The following RTF1 variants were observed in gnomAD, a reference collection of about 807,000 sequenced individuals.
The protein encoded by RTF1 is RTF1 homolog, Paf1/RNA polymerase II complex component.
RTF1 carries 10 observed loss-of-function variants against 95.7 expected under a neutral mutation model. The observed-to-expected ratio is 0.10, with a 90% confidence interval of 0.06 to 0.18. The LOEUF is 0.18. Among genes scored for constraint, RTF1 ranks in the 10% least tolerant of loss-of-function variants. RTF1 has a pLI of 1.00. For missense variants in RTF1, 458 were observed against 875.6 expected (o/e 0.52, Z 6.02); for synonymous variants, 305 against 311.8 (o/e 0.98, Z 0.23).
At chr15:41,424,932 C>T (rs1284067288) in intron 1 of RTF1, among the ~76,000 whole-genome samples, 5 of 151,826 alleles carry the variant, frequency 3.3e-5, no homozygotes, top group African/African-American at 9.7e-5. Flanking sequence ...TCCCTTGAAC[C>T]TAGGAGGCGG....
chr15:41,464,997 G>A (rs1314395539), intron 5 of RTF1, 112 bp downstream of exon 5: 5 of 1,368,100 alleles, frequency 3.7e-6, no homozygotes, highest in Non-Finnish European at 4.7e-6. Flanking sequence ...ATCAGCCTAA[G>A]TTTATAAGAC....
In RTF1 at chr15:41,474,477, T is replaced by G. The variant is rs1445664398; in HGVS notation, c.1204-143T>G. On this transcript the variant is annotated intron_variant, in intron 8 of 17. Coordinates refer to ENST00000389629, the MANE Select transcript of RTF1 (RefSeq NM_015138.5). The stretch of plus-strand genomic sequence containing the variant: ...ATCTGGATTCTAAACCTGAGAAACC[T>G]TTCTCAGAACCCCTGGCAGCTGTGG... 1.2e-5 allele frequency: 8 copies of G among 672,286 alleles called. No individual in the cohort carries two copies. The Admixed American group carries it at 1.8e-4, about 15-fold the overall frequency. The allele number at this position is 672,286 out of a possible 1,614,324, so 41.6% of individuals were successfully genotyped here. A position where few individuals can be genotyped will look rare whatever the true frequency, so the allele number is the denominator to read the frequency against.
At chr15:41,443,100 T>TA (rs1566840558) in intron 2 of RTF1, among the ~76,000 whole-genome samples, 1 of 152,138 alleles carries the variant, frequency 6.6e-6, no homozygotes, top group Non-Finnish European at 1.5e-5. Context: ...GCTAAAAAGT[T>TA]AATCGGTAAT....
rs2050973381 is a variant in RTF1 at position 41,481,315 on chromosome 15, C to G, written c.*628C>G. On this transcript the variant is annotated 3_prime_UTR_variant, in exon 18 of 18. Coordinates refer to ENST00000389629, the MANE Select transcript of RTF1 (RefSeq NM_015138.5). ...TGTGTAAGTGTGTGGATTTTTTTAT[C>G]ATTTTTTTAAAATGCAGTACTCTTT... The G allele has an allele frequency of 6.6e-6, 1 of 150,916 alleles. No homozygotes were observed. The highest frequency in any genetic ancestry group is 1.5e-5 in the Non-Finnish European group (1 of 67,920). 9.3% of individuals were successfully genotyped at this position (150,916 alleles called of 1,614,324 possible).
chr15:41,421,471 A>G (rs529724807), intron 1 of RTF1, among the ~76,000 whole-genome samples: 1 of 151,716 alleles, frequency 6.6e-6, no homozygotes, highest in Admixed American at 6.6e-5. Flanking sequence ...AAAAAAAAAA[A>G]AGAATTTAAA....
intron 1 of RTF1, among the ~76,000 whole-genome samples, chr15:41,435,594 G>A (rs1451534176): frequency 6.6e-6 from 1 of 152,118 alleles, no homozygotes; most frequent in Non-Finnish European, 1.5e-5. Flanking sequence ...CAGGAAGTTG[G>A]TATGTTAACT....
rs200559534 is a variant in RTF1, at chr15:41,475,582, C to T, written c.1344C>T (p.Thr448=). ...AGTTTGTCTCAAACCAAGAATTCAC[C>T]GAAAGTGAGTTTATGAAGTGGAAAG... The part of the protein sequence containing the change: ...RLEFVSNQEF[T]ESEFMKWKEA... The change falls in exon 10 of 18, where the codon ACC becomes ACT. Residue 448 remains threonine, a synonymous_variant. Coordinates refer to ENST00000389629, the MANE Select transcript of RTF1 (RefSeq NM_015138.5). 4 of 1,614,046 alleles carry T rather than the reference C, an allele frequency of 2.5e-6. No homozygotes were observed. Among genetic ancestry groups the T allele is most frequent in the East Asian group, 2.2e-5 (1 of 44,882 alleles).
At chr15:41,429,930 C>T (rs2050660063) in intron 1 of RTF1, among the ~76,000 whole-genome samples, 1 of 151,362 alleles carries the variant, frequency 6.6e-6, no homozygotes, top group Non-Finnish European at 1.5e-5. Flanking sequence ...ATTTTAAATT[C>T]CATGAGGTCA....
At chr15:41,450,584 C>CAA (rs35822176) in intron 2 of RTF1, among the ~76,000 whole-genome samples, 42 of 72,406 alleles carry the variant, frequency 5.8e-4, no homozygotes, top group African/African-American at 1.8e-3. Flanking sequence ...GACTCCGTCT[C>CAA]AAAAAAAAAA....
chr15:41,422,672 T>A (rs1272013847), intron 1 of RTF1, among the ~76,000 whole-genome samples: 1 of 152,248 alleles, frequency 6.6e-6, no homozygotes, highest in African/African-American at 2.4e-5. Flanking sequence ...GGTTTCTTAT[T>A]TAAAATGGAG....
At chr15:41,419,498 A>C (rs186197789) in intron 1 of RTF1, among the ~76,000 whole-genome samples, 4 of 152,324 alleles carry the variant, frequency 2.6e-5, no homozygotes, top group African/African-American at 9.6e-5. Context: ...GTTAGTTTTA[A>C]ATTTTTTTCA....
chr15:41,446,480 C>T (rs995705891), intron 2 of RTF1, among the ~76,000 whole-genome samples: 4 of 151,976 alleles, frequency 2.6e-5, no homozygotes, highest in Non-Finnish European at 5.9e-5. Context: ...GCAGGAGAAT[C>T]GCTTGAACCC....
chr15:41,480,866 C>T lies in RTF1; in HGVS notation c.*179C>T. On this transcript the variant is annotated 3_prime_UTR_variant, in exon 18 of 18. Coordinates refer to ENST00000389629, the MANE Select transcript of RTF1 (RefSeq NM_015138.5). ...GTATAGACCTCCTTTGTCTGCACAC[C>T]ATCTCCCACCAGCCTCCCCTCCCCC... 2 of 594,770 alleles carry T rather than the reference C, an allele frequency of 3.4e-6. No individual in the cohort carries two copies. Among genetic ancestry groups the T allele is most frequent in the Admixed American group, 2.9e-5 (1 of 34,746 alleles). The allele number at this position is 594,770 out of a possible 1,614,324, so 36.8% of individuals were successfully genotyped here.
At chr15:41,455,941 G>A (rs1367375974) in intron 3 of RTF1, among the ~76,000 whole-genome samples, 1 of 150,352 alleles carries the variant, frequency 6.7e-6, no homozygotes, top group Non-Finnish European at 1.5e-5. Flanking sequence ...GGCCAGGTGC[G>A]GCGGCTCACA....
chr15:41,464,261 T>C (rs2050868860), intron 4 of RTF1, among the ~76,000 whole-genome samples: 2 of 151,636 alleles, frequency 1.3e-5, no homozygotes, highest in Admixed American at 1.3e-4. Context: ...TCTCTCTTTT[T>C]TTTTTTTTGA....
At chr15:41,478,429 A>G in intron 14 of RTF1, 119 bp from the exon 15 acceptor site, 1 of 772,672 alleles carries the variant, frequency 1.3e-6, no homozygotes, top group Non-Finnish European at 2.1e-6. Context: ...AAAAAAAGGA[A>G]AAGGATAATA....
intron 3 of RTF1, among the ~76,000 whole-genome samples, chr15:41,455,413 C>T (rs1224138349): frequency 6.6e-6 from 1 of 152,088 alleles, no homozygotes; most frequent in East Asian, 1.9e-4. Context: ...GAGCTGGAGG[C>T]CATTTTTCTA....
intron 9 of RTF1, 149 bp from the exon 10 acceptor site, chr15:41,475,376 A>C: frequency 1.5e-6 from 1 of 648,632 alleles, no homozygotes; most frequent in Non-Finnish European, 2.6e-6. Context: ...CAGCTCATTA[A>C]AACAGCCTGG....
At chr15:41,477,986 A>T (rs1384785575) in intron 14 of RTF1, among the ~76,000 whole-genome samples, 1 of 152,052 alleles carries the variant, frequency 6.6e-6, no homozygotes, top group Non-Finnish European at 1.5e-5. Flanking sequence ...CACGCCTGTA[A>T]TCCCAGCTAC....
Sources: gnomAD v4.1 joint callset for allele counts (sites outside exome capture counted in the v4.1 genomes callset) on GRCh38, gnomAD v4.1.1 for gene constraint, MANE v1.5 for transcripts, NCBI Gene and HGNC (gene_info 2026-07-23, HGNC 2026-07-21) for gene names.